Variants in SNTG2 observed in about 807,000 individuals in gnomAD.
SNTG2 encodes the protein gamma-2-syntrophin.
Under a neutral mutation model 70.9 loss-of-function variants are expected in SNTG2, and 74 were observed. The observed-to-expected ratio is 1.04, with a 90% CI of 0.86 to 1.27. The LOEUF is 1.27. Among genes scored for constraint, SNTG2 ranks in the 50% most tolerant of loss-of-function variants. The pLI, the probability that SNTG2 is intolerant of heterozygous loss-of-function variation, is 0.00. For synonymous variants in SNTG2, 278 were observed against 273.8 expected (o/e 1.02, Z -0.15); for missense variants, 717 against 690.7 (o/e 1.04, Z -0.43).
intron 16 of SNTG2, among the ~76,000 whole-genome samples, chr2:1,332,795 A>G (rs190700043): frequency 7.9e-5 from 12 of 152,312 alleles, no homozygotes; most frequent in Admixed American, 2.0e-4. Flanking sequence ...CAGCATAGAA[A>G]GGACATGACT....
rs112391102 is a variant in SNTG2 at position 1,317,176 on chromosome 2, T to G, written c.1488+801T>G. Among the ~76,000 whole-genome samples the G allele has an allele frequency of 1.0e-4, 9 of 87,388 alleles. 3 individuals carry two copies. The highest frequency in any genetic ancestry group is 6.2e-4 in the Admixed American group (5 of 8,052). 57.3% of individuals were successfully genotyped at this position (87,388 alleles called of 152,430 possible). ...GGAGAAGGCTGGGATTCTGGAACAT[T>G]TAGCATGAGGCCAGCATTGGAGAAG... On this transcript the variant is annotated intron_variant, in intron 16 of 16. Coordinates refer to ENST00000308624, the MANE Select transcript of SNTG2 (RefSeq NM_018968.4).
At chr2:1,185,873 T>A (rs560760001) in intron 8 of SNTG2, among the ~76,000 whole-genome samples, 35 of 152,376 alleles carry the variant, frequency 2.3e-4, no homozygotes, top group African/African-American at 6.5e-4. Context: ...TATGTAAATT[T>A]CTGCAACTGG....
chr2:1,103,538 C>T (rs1376926037), intron 4 of SNTG2: 4 of 168,360 alleles, frequency 2.4e-5, no homozygotes, highest in African/African-American at 2.4e-5. Flanking sequence ...TACAGGCACC[C>T]GCCACCACGC....
intron 1 of SNTG2, among the ~76,000 whole-genome samples, chr2:993,583 C>G (rs1433334476): frequency 3.3e-5 from 5 of 152,104 alleles, no homozygotes; most frequent in Non-Finnish European, 7.4e-5. Context: ...CTCCTAAAAT[C>G]AGTAGTGTCT....
intron 13 of SNTG2, among the ~76,000 whole-genome samples, chr2:1,261,356 C>G (rs945104761): frequency 7.9e-5 from 12 of 152,086 alleles, no homozygotes; most frequent in African/African-American, 2.7e-4. Flanking sequence ...CTTTAAATAT[C>G]CATAATTACC....
At chr2:1,245,616 G>A (rs1048055818) in intron 11 of SNTG2, among the ~76,000 whole-genome samples, 2 of 152,344 alleles carry the variant, frequency 1.3e-5, no homozygotes, top group African/African-American at 4.8e-5. Context: ...AGAAAAAGAT[G>A]CATTTTTAAA....
chr2:1,122,228 T>C (rs1244980138), intron 4 of SNTG2, among the ~76,000 whole-genome samples: 4 of 152,080 alleles, frequency 2.6e-5, no homozygotes, highest in African/African-American at 9.7e-5. Flanking sequence ...CAAATAAATC[T>C]AGAGGGAATA....
At chr2:1,158,688 G>A (rs1670063925) in intron 6 of SNTG2, among the ~76,000 whole-genome samples, 1 of 152,170 alleles carries the variant, frequency 6.6e-6, no homozygotes, top group Non-Finnish European at 1.5e-5. Context: ...AATTAAAGGT[G>A]TGTGCAGGGA....
chr2:1,037,029 A>C (rs1661169807), intron 1 of SNTG2, among the ~76,000 whole-genome samples: 1 of 152,236 alleles, frequency 6.6e-6, no homozygotes, highest in African/African-American at 2.4e-5. Flanking sequence ...CGTGCCTTGC[A>C]GGTGGCTGCC....
chr2:1,234,276 CCAAA>C (rs372665192), intron 9 of SNTG2, among the ~76,000 whole-genome samples: 5 of 152,142 alleles, frequency 3.3e-5, no homozygotes, highest in African/African-American at 1.2e-4. Context: ...TAACAATAAA[CCAAA>C]CAGTGAACCA....
intron 9 of SNTG2, among the ~76,000 whole-genome samples, chr2:1,236,348 G>C (rs1676656826): frequency 6.6e-6 from 1 of 152,192 alleles, no homozygotes; most frequent in South Asian, 2.1e-4. Flanking sequence ...AGGCCCCACG[G>C]GAAGCGATGG....
chr2:1,031,395 A>C (rs10207582), intron 1 of SNTG2, among the ~76,000 whole-genome samples: 65,529 of 150,138 alleles, frequency 0.44, 14,865 homozygotes, highest in African/African-American at 0.54. Flanking sequence ...TAGCTTCCTA[A>C]GATGTGCTTT....
chr2:1,203,235 T>C (rs1673388403), intron 8 of SNTG2, among the ~76,000 whole-genome samples: 1 of 152,160 alleles, frequency 6.6e-6, no homozygotes, highest in African/African-American at 2.4e-5. Context: ...GTGAATTCTT[T>C]CAAATAAATA....
At chr2:1,129,806 G>A (rs1667911338) in intron 4 of SNTG2, among the ~76,000 whole-genome samples, 1 of 152,160 alleles carries the variant, frequency 6.6e-6, no homozygotes, top group East Asian at 1.9e-4. Flanking sequence ...TCATTGCAAA[G>A]TTTATTGAGC....
At chr2:1,114,017 C>T (rs1035354737) in intron 4 of SNTG2, among the ~76,000 whole-genome samples, 1 of 151,076 alleles carries the variant, frequency 6.6e-6, no homozygotes, top group Non-Finnish European at 1.5e-5. Context: ...CTCTTACAGT[C>T]CTTTGAGGAG....
intron 6 of SNTG2, 40 bp downstream of exon 6, chr2:1,137,849 C>A (rs1274800486): frequency 1.9e-6 from 3 of 1,541,798 alleles, no homozygotes; most frequent in African/African-American, 1.4e-5. Flanking sequence ...GTTTATTATT[C>A]TTGTATTTGA....
At chr2:979,515 C>T (rs182678707) in intron 1 of SNTG2, among the ~76,000 whole-genome samples, 2 of 152,202 alleles carry the variant, frequency 1.3e-5, no homozygotes, top group African/African-American at 4.8e-5. Flanking sequence ...GTGGTTTTTA[C>T]CACACAGCTC....
At chr2:1,046,066 A>G (rs970223167) in intron 1 of SNTG2, among the ~76,000 whole-genome samples, 1 of 152,172 alleles carries the variant, frequency 6.6e-6, no homozygotes, top group African/African-American at 2.4e-5. Flanking sequence ...GGTTGCATAT[A>G]TACATATTTA....
chr2:1,222,609 TG>T, intron 9 of SNTG2, among the ~76,000 whole-genome samples: 1 of 3,908 alleles, frequency 2.6e-4, no homozygotes, highest in Admixed American at 1.7e-3. Flanking sequence ...CTGGAGGTGC[TG>T]GATCGCTGTA....
Sources: gnomAD v4.1 joint callset for allele counts (sites outside exome capture counted in the v4.1 genomes callset) on GRCh38, gnomAD v4.1.1 for gene constraint, MANE v1.5 for transcripts, NCBI Gene and HGNC (gene_info 2026-07-23, HGNC 2026-07-21) for gene names.